Variants in SERINC5 observed in about 807,000 individuals in gnomAD.
The protein encoded by SERINC5 is chromosome 5 open reading frame 12.
SERINC5 carries 41 observed loss-of-function variants against 63.1 expected under a neutral mutation model. That is an observed-to-expected ratio of 0.65 (90% CI 0.51 to 0.84). SERINC5 has a LOEUF of 0.84. Ranked by LOEUF, SERINC5 falls within the 40% of genes least tolerant of loss-of-function variation. The pLI is 0.00. For synonymous variants in SERINC5, 222 were observed against 215.2 expected (o/e 1.03, Z -0.28); for missense variants, 523 against 573.0 (o/e 0.91, Z 0.89).
intron 1 of SERINC5, among the ~76,000 whole-genome samples, chr5:80,227,844 G>T (rs973617940): frequency 6.6e-6 from 1 of 151,842 alleles, no homozygotes; most frequent in African/African-American, 2.4e-5. Context: ...GTGAGACCCT[G>T]ACTTACAAAA....
chr5:80,115,179 T>C (rs1452426648), intron 11 of SERINC5, among the ~76,000 whole-genome samples: 1 of 151,938 alleles, frequency 6.6e-6, no homozygotes, highest in Admixed American at 6.5e-5. Context: ...AGCAGACGTT[T>C]TACTATAAAA....
Position 80,143,651 on chromosome 5 carries a change from C to T in SERINC5, c.*12G>A. On this transcript the variant is annotated 3_prime_UTR_variant, in exon 12 of 12. Transcript: ENST00000507668. ...CTGTAGGCCCACAAAGCCCAGGGGACCGCCGATATCATCACACAGAGAACT... is the reference window on the plus strand; with the variant it reads ...CTGTAGGCCCACAAAGCCCAGGGGATCGCCGATATCATCACACAGAGAACT... 1 of 1,535,344 alleles carries T rather than the reference C, an allele frequency of 6.5e-7. No individual in the cohort carries two copies. Among genetic ancestry groups the T allele is most frequent in the South Asian group, 1.2e-5 (1 of 84,032 alleles).
intron 2 of SERINC5, among the ~76,000 whole-genome samples, chr5:80,179,243 G>A (rs996796993): frequency 1.2e-4 from 18 of 152,246 alleles, no homozygotes; most frequent in South Asian, 4.1e-4. Flanking sequence ...AGGTTGCAGC[G>A]AGCCGAGATC....
chr5:80,202,758 G>A (rs1264325661), intron 2 of SERINC5, 128 bp downstream of exon 2: 3 of 812,378 alleles, frequency 3.7e-6, no homozygotes, highest in African/African-American at 3.5e-5. Flanking sequence ...GCTTCAGGAA[G>A]GTTCAAGGAA....
chr5:80,247,378 A>G (rs1752211488), intron 1 of SERINC5, among the ~76,000 whole-genome samples: 1 of 152,176 alleles, frequency 6.6e-6, no homozygotes, highest in South Asian at 2.1e-4. Context: ...ACGAGGGCGG[A>G]AAGCAAGCAA....
intron 1 of SERINC5, among the ~76,000 whole-genome samples, chr5:80,231,657 A>G (rs891251194): frequency 1.3e-5 from 2 of 152,182 alleles, no homozygotes; most frequent in Admixed American, 6.6e-5. Context: ...TCGAGAACCC[A>G]GAAATAAAGC....
intron 11 of SERINC5, among the ~76,000 whole-genome samples, chr5:80,116,868 G>A (rs1418251080): frequency 3.3e-5 from 5 of 150,086 alleles, no homozygotes; most frequent in East Asian, 3.9e-4. Context: ...TTGCTCTCTC[G>A]CCCAGGCTGG....
At position 80,143,317 on chromosome 5, in the gene SERINC5, G is replaced by A. The variant is rs1184286653; in HGVS notation, c.*346C>T. 2 of 1,024,130 alleles carry A rather than the reference G, an allele frequency of 2.0e-6. No individual in the cohort carries two copies. The highest frequency in any genetic ancestry group is 2.3e-6 in the Non-Finnish European group (2 of 854,954). 63.4% of individuals were successfully genotyped at this position (1,024,130 alleles called of 1,614,324 possible). A position where few individuals can be genotyped will look rare whatever the true frequency, so the allele number is the denominator to read the frequency against. On this transcript the variant is annotated 3_prime_UTR_variant, in exon 12 of 12. Transcript: ENST00000507668. The stretch of plus-strand genomic sequence containing the variant: ...TCTATTCCGAGGATGAGAATGACTG[G>A]CCCCACAAGATATTTTTATCCCTGT...
chr5:80,231,735 T>C (rs781184173), intron 1 of SERINC5, among the ~76,000 whole-genome samples: 29 of 152,138 alleles, frequency 1.9e-4, no homozygotes, highest in Non-Finnish European at 4.1e-4. Context: ...TTTCAACAAA[T>C]GTTGGTGGAA....
chr5:80,116,974 G>A (rs757208033), intron 11 of SERINC5, among the ~76,000 whole-genome samples: 11 of 151,944 alleles, frequency 7.2e-5, no homozygotes, highest in Middle Eastern at 3.4e-3. Context: ...GATTACAGGC[G>A]AGTGCCACCA....
At chr5:80,124,125 A>G (rs1453645974) in intron 11 of SERINC5, among the ~76,000 whole-genome samples, 1 of 152,172 alleles carries the variant, frequency 6.6e-6, no homozygotes, top group African/African-American at 2.4e-5. Context: ...GCAGTAACCA[A>G]TCCAGGAAGC....
chr5:80,205,459 C>A (rs1000299013), intron 1 of SERINC5, among the ~76,000 whole-genome samples: 1 of 152,180 alleles, frequency 6.6e-6, no homozygotes, highest in Non-Finnish European at 1.5e-5. Flanking sequence ...CAGCCATACA[C>A]CCTTGTAGGA....
intron 2 of SERINC5, among the ~76,000 whole-genome samples, chr5:80,179,580 A>C (rs1354198705): frequency 6.6e-6 from 1 of 152,240 alleles, no homozygotes; most frequent in African/African-American, 2.4e-5. Context: ...CACCTGAGCT[A>C]GAAATGGAAT....
At chr5:80,249,438 C>T (rs1400926956) in intron 1 of SERINC5, among the ~76,000 whole-genome samples, 1 of 152,110 alleles carries the variant, frequency 6.6e-6, no homozygotes, top group Non-Finnish European at 1.5e-5. Flanking sequence ...TTATCAGTCA[C>T]CTCATAATTA....
Position 80,174,404 on chromosome 5 carries a change from A to ATAATAATAATAATAATAATAAT in SERINC5, c.551+549_551+550insATTATTATTATTATTATTATTA, listed in dbSNP as rs1554064063. 2.0e-4 allele frequency among the ~76,000 whole-genome samples: 29 copies of ATAATAATAATAATAATAATAAT among 146,018 alleles called. 1 individual carries two copies. The highest frequency in any genetic ancestry group is 7.0e-5 in the Admixed American group (1 of 14,384). On this transcript the variant is annotated intron_variant, in intron 5 of 11. Coordinates refer to ENST00000507668, the MANE Select transcript of SERINC5 (RefSeq NM_001174072.3). ...AATAATAATAATAATAATAATAATA[A>ATAATAATAATAATAATAATAAT]AAGAAAAAGAAAACAAAAGGGTACT...
chr5:80,183,665 T>C (rs1055809425), intron 2 of SERINC5, among the ~76,000 whole-genome samples: 4 of 151,978 alleles, frequency 2.6e-5, no homozygotes, highest in Non-Finnish European at 5.9e-5. Flanking sequence ...TTCCTTCTCC[T>C]GGCTCAGAAG....
intron 9 of SERINC5, 123 bp downstream of exon 9, chr5:80,150,759 A>T: frequency 1.3e-6 from 1 of 763,466 alleles, no homozygotes; most frequent in Non-Finnish European, 2.3e-6. Flanking sequence ...CTATACAAAA[A>T]TCTTTCCTCA....
At chr5:80,254,216 G>T (rs558811730) in intron 1 of SERINC5, among the ~76,000 whole-genome samples, 1 of 138,658 alleles carries the variant, frequency 7.2e-6, no homozygotes, top group East Asian at 2.5e-4. Context: ...GAGCCACTGC[G>T]CCCAGCCTGT....
rs369918091 is a variant in SERINC5, at chr5:80,169,069, C to T, written c.763+266G>A. ...TCCCATTTAAAGGCTCTTTGTGGTA[C>T]ATTATTTAGCAAAGGCAGTATCTTC... On this transcript the variant is annotated intron_variant, in intron 6 of 11. Coordinates refer to ENST00000507668, the MANE Select transcript of SERINC5 (RefSeq NM_001174072.3). Among the ~76,000 whole-genome samples, 15 of 152,296 alleles carry T rather than the reference C, an allele frequency of 9.8e-5. 2 individuals carry two copies. The highest frequency in any genetic ancestry group is 3.6e-4 in the African/African-American group (15 of 41,556).
Sources: gnomAD v4.1 joint callset for allele counts (sites outside exome capture counted in the v4.1 genomes callset) on GRCh38, gnomAD v4.1.1 for gene constraint, MANE v1.5 for transcripts, NCBI Gene and HGNC (gene_info 2026-07-23, HGNC 2026-07-21) for gene names.